SLC26A3: variants seen among roughly 807,000 people sequenced by gnomAD.
SLC26A3 encodes solute carrier family 26 member 3.
Under a neutral mutation model 85.6 loss-of-function variants are expected in SLC26A3, and 64 were observed. The observed-to-expected ratio is 0.75, with a 90% CI of 0.61 to 0.92. SLC26A3 has a LOEUF of 0.92. Ranked by LOEUF, SLC26A3 falls within the 40% of genes least tolerant of loss-of-function variation. SLC26A3 has a pLI of 0.00. For synonymous variants in SLC26A3, 349 were observed against 336.0 expected (o/e 1.04, Z -0.42); for missense variants, 922 against 927.3 (o/e 0.99, Z 0.07).
At chr7:107,800,185 C>T (rs559933240) in intron 1 of SLC26A3, among the ~76,000 whole-genome samples, 1 of 152,254 alleles carries the variant, frequency 6.6e-6, no homozygotes, top group Non-Finnish European at 1.5e-5. Context: ...CTGGTAGATT[C>T]CAATTCATTC....
At position 107,783,044 on chromosome 7, in the gene SLC26A3, C is replaced by G; in HGVS notation, c.1169G>C (p.Gly390Ala). Residue 390 changes from glycine to alanine, a missense_variant, in exon 10 of 21, where the codon GGA becomes GCA. Physicochemically the swap from Gly to Ala is moderately conservative, Grantham distance 60 (BLOSUM62 0). Coordinates refer to ENST00000340010, the MANE Select transcript of SLC26A3 (RefSeq NM_000111.3). The part of the protein sequence containing the change: ...LGNIVCGVFR[G>A]FAGSTALSRS... ...GGAGAGGGCAGTACTCCCAGCAAAT[C>G]CTCTGAATACTCCACAGACTATGTT... 1 of 1,614,182 alleles carries G rather than the reference C, an allele frequency of 6.2e-7. No individual in the cohort carries two copies. The highest frequency in any genetic ancestry group is 8.5e-7 in the Non-Finnish European group (1 of 1,180,034).
chr7:107,772,177 C>T (rs1161943668), intron 17 of SLC26A3, 69 bp from the exon 18 acceptor site: 3 of 885,600 alleles, frequency 3.4e-6, no homozygotes, highest in South Asian at 2.7e-5. Flanking sequence ...AGAAAACAAT[C>T]AGAATTATAC....
intron 1 of SLC26A3, among the ~76,000 whole-genome samples, chr7:107,800,562 T>C (rs1794582245): frequency 1.3e-5 from 2 of 152,286 alleles, no homozygotes; most frequent in South Asian, 4.1e-4. Flanking sequence ...TTTGTTTATG[T>C]TTCTGTTCCC....
In SLC26A3 at chr7:107,774,073, C is replaced by T; in HGVS notation, c.1854G>A (p.Gln618=). 1.2e-6 allele frequency: 2 copies of T among 1,614,148 alleles called. No homozygotes were observed. The highest frequency in any genetic ancestry group is 8.5e-7 in the Non-Finnish European group (1 of 1,180,006). The change falls in exon 17 of 21, where the codon CAG becomes CAA. Residue 618 remains glutamine (Q), a synonymous_variant. Transcript: ENST00000340010. ...AAGGCAGGTCTGTGGTATTGATTGG[C>T]TGGTCCAGTACTTCTATCTGATTGT... The part of the protein sequence containing the change: ...LDNNQIEVLD[Q]PINTTDLPFH...
intron 11 of SLC26A3, among the ~76,000 whole-genome samples, chr7:107,780,698 TTA>T (rs1794202959): frequency 6.6e-6 from 1 of 152,200 alleles, no homozygotes; most frequent in South Asian, 2.1e-4. Context: ...CAGGTAATCC[TTA>T]TAATATAATA....
chr7:107,800,640 A>G (rs1055020327), intron 1 of SLC26A3, among the ~76,000 whole-genome samples: 1 of 152,270 alleles, frequency 6.6e-6, no homozygotes, highest in Non-Finnish European at 1.5e-5. Context: ...GTTAGGTCCT[A>G]TGACATAGTA....
At position 107,790,934 on chromosome 7, in the gene SLC26A3, A is replaced by G. The variant is rs552936975; in HGVS notation, c.570+114T>C. 6.5e-5 allele frequency: 73 copies of G among 1,119,912 alleles called. No individual in the cohort carries two copies. The African/African-American group carries it at 1.0e-3, about 16-fold the overall frequency. The allele number at this position is 1,119,912 out of a possible 1,614,324, so 69.4% of individuals were successfully genotyped here. A position where few individuals can be genotyped will look rare whatever the true frequency, so the allele number is the denominator to read the frequency against. On this transcript the variant is annotated intron_variant, in intron 5 of 20. Transcript: ENST00000340010. ...GTATTTCCTATGGGCCATGAGGGAG[A>G]GACAAACCAAAGGGAAGATGGGGAG...
Position 107,770,451 on chromosome 7 carries a change from T to C in SLC26A3, c.2062+1603A>G, listed in dbSNP as rs372995941. 4.0e-5 allele frequency among the ~76,000 whole-genome samples: 6 copies of C among 150,532 alleles called. No homozygotes were observed. In the East Asian group the frequency reaches 1.2e-3, roughly 29 times the overall value. The stretch of plus-strand genomic sequence containing the variant: ...TTTTTTTTTTTTTTTAGAGACGAGG[T>C]TTCACCATGTTGCCCAGGCTAGTCT... On this transcript the variant is annotated intron_variant, in intron 18 of 20. Transcript: ENST00000340010.
At chr7:107,778,467 A>T (rs1224915050) in intron 12 of SLC26A3, among the ~76,000 whole-genome samples, 186 bp from the exon 13 acceptor site, 2 of 145,152 alleles carry the variant, frequency 1.4e-5, no homozygotes, top group Admixed American at 7.2e-5. Context: ...TGGGCCAGGG[A>T]GCAAAGTGCA....
chr7:107,767,183 T>C (rs190559614), intron 20 of SLC26A3, among the ~76,000 whole-genome samples: 2 of 152,294 alleles, frequency 1.3e-5, no homozygotes, highest in Admixed American at 1.3e-4. Context: ...CTCAAGCATC[T>C]GGCTATTGGG....
chr7:107,794,399 A>G lies in SLC26A3; in HGVS notation c.111T>C (p.Asp37=). 1 of 1,614,086 alleles carries G rather than the reference A, an allele frequency of 6.2e-7. No individual in the cohort carries two copies. Among genetic ancestry groups the G allele is most frequent in the Non-Finnish European group, 8.5e-7 (1 of 1,179,946 alleles). ...CTTACCTACAACACACTTTGAGATG[A>G]TCCAGAAATGTCTTATGATGTCTTC... ...KTGRHHKTFL[D]HLKVCCSCSP... The change falls in exon 2 of 21, where the codon GAT becomes GAC. Residue 37 remains aspartate (D), a synonymous_variant. Coordinates refer to ENST00000340010, the MANE Select transcript of SLC26A3 (RefSeq NM_000111.3).
Position 107,767,913 on chromosome 7 carries a change from A to G in SLC26A3, c.2063-5T>C, listed in dbSNP as rs774218198. Reference sequence around the variant, plus strand: ...TAAGCTTCTCAATGAAGTCATCTGAAGAGAAAAAAACAGTAACTTTTAGGA... The same window carrying G: ...TAAGCTTCTCAATGAAGTCATCTGAGGAGAAAAAAACAGTAACTTTTAGGA... On this transcript the variant is annotated splice_polypyrimidine_tract_variant and splice_region_variant and intron_variant, in intron 18 of 20. Transcript: ENST00000340010. 10 of 1,613,128 alleles carry G rather than the reference A, an allele frequency of 6.2e-6. No individual in the cohort carries two copies. The highest frequency in any genetic ancestry group is 8.5e-6 in the Non-Finnish European group (10 of 1,179,512).
chr7:107,800,246 G>A (rs1166747101), intron 1 of SLC26A3, among the ~76,000 whole-genome samples: 3 of 152,134 alleles, frequency 2.0e-5, no homozygotes, highest in Admixed American at 1.3e-4. Flanking sequence ...TGTAATTTTG[G>A]CACGTTGGGA....
At chr7:107,802,951 A>G (rs1584417664) in intron 1 of SLC26A3, among the ~76,000 whole-genome samples, 160 bp downstream of exon 1, 1 of 152,236 alleles carries the variant, frequency 6.6e-6, no homozygotes, top group African/African-American at 2.4e-5. Flanking sequence ...CGCTCCAGAC[A>G]TACATGCATA....
chr7:107,793,753 G>A lies in SLC26A3; in HGVS notation c.260C>T (p.Ala87Val). 1.9e-6 allele frequency: 3 copies of A among 1,613,814 alleles called. No homozygotes were observed. The highest frequency in any genetic ancestry group is 2.2e-5 in the East Asian group (1 of 44,870). ...AAAAAAAATTTTACCTTGTAGTACGGCCACAATCCCTGTGCTGATACCAGA... is the reference window on the plus strand; with the variant it reads ...AAAAAAAATTTTACCTTGTAGTACGACCACAATCCCTGTGCTGATACCAGA... ...IVSGISTGIV[A>V]VLQGLAFALL... Residue 87 changes from alanine (A) to valine (V), a missense_variant, in exon 3 of 21, where the codon GCC becomes GTC. Ala to Val is a moderately conservative substitution (Grantham distance 64). Transcript: ENST00000340010.
At position 107,783,112 on chromosome 7, in the gene SLC26A3, T is replaced by C. The variant is rs368475574; in HGVS notation, c.1120-19A>G. The C allele has an allele frequency of 5.1e-5, 83 of 1,613,680 alleles. No homozygotes were observed. In the South Asian group the frequency reaches 5.7e-4, roughly 11 times the overall value. On this transcript the variant is annotated intron_variant, in intron 9 of 20. Transcript: ENST00000340010. ...TTAACTCCTGACAGGAAGACAAGAA[T>C]GAACCTTTTTCAGAAGTGGCACCAT...
chr7:107,794,942 G>A (rs995391956), intron 1 of SLC26A3, among the ~76,000 whole-genome samples: 2 of 152,064 alleles, frequency 1.3e-5, no homozygotes, highest in East Asian at 1.9e-4. Context: ...TGTTGGGACA[G>A]GTTAGATTTA....
Position 107,797,500 on chromosome 7 carries a change from T to TAAAGAAAAGAAAAGA in SLC26A3, c.-88-2918_-88-2904dup, listed in dbSNP as rs112988460. On this transcript the variant is annotated intron_variant, in intron 1 of 20. Coordinates refer to ENST00000340010, the MANE Select transcript of SLC26A3 (RefSeq NM_000111.3). The stretch of plus-strand genomic sequence containing the variant: ...CAGAGCGAGACTCCGTCTCAAAAAA[T>TAAAGAAAAGAAAAGA]AAAGAAAAGAAAAGAAATCTTTCCA... 2.8e-4 allele frequency among the ~76,000 whole-genome samples: 42 copies of TAAAGAAAAGAAAAGA among 150,770 alleles called. No individual in the cohort carries two copies. In the South Asian group the frequency reaches 3.8e-3, roughly 14 times the overall value.
At chr7:107,786,732 G>T (rs1020157943) in intron 8 of SLC26A3, 95 bp downstream of exon 8, 5 of 1,021,598 alleles carry the variant, frequency 4.9e-6, no homozygotes, top group African/African-American at 3.1e-5. Flanking sequence ...AGGGTTACCT[G>T]CAGGCTGAAC....
Sources: gnomAD v4.1 joint callset for allele counts (sites outside exome capture counted in the v4.1 genomes callset) on GRCh38, gnomAD v4.1.1 for gene constraint, MANE v1.5 for transcripts, NCBI Gene and HGNC (gene_info 2026-07-23, HGNC 2026-07-21) for gene names.